Variants in MCCC1 observed in about 807,000 individuals in gnomAD.
The protein encoded by MCCC1 is methylcrotonoyl-CoA carboxylase subunit alpha, mitochondrial.
In MCCC1, 64 loss-of-function variants were observed where a neutral mutation model predicts 83.8. The ratio of observed to expected loss-of-function variants is 0.76; its 90% CI spans 0.62 to 0.94. The LOEUF is 0.94. Ranked by LOEUF, MCCC1 falls within the 40% of genes least tolerant of loss-of-function variation. The pLI, the probability that MCCC1 is intolerant of heterozygous loss-of-function variation, is 0.00. For missense variants in MCCC1, 807 were observed against 904.7 expected, an observed-to-expected ratio of 0.89 and a Z score of 1.39; for synonymous variants, 322 against 315.4, an observed-to-expected ratio of 1.02 and a Z score of -0.22.
In MCCC1 at chr3:183,039,052, G is replaced by C. The variant is rs1713851507; in HGVS notation, c.1351C>G (p.Leu451Val). Residue 451 changes from leucine (L) to valine (V), a missense_variant, in exon 12 of 19, where the codon CTG becomes GTG. Leu to Val is a conservative substitution (Grantham distance 32). Coordinates refer to ENST00000265594, the MANE Select transcript of MCCC1 (RefSeq NM_020166.5). ...TTGTACTGACGAAGGCTGTACCTCA[G>C]TTTTGTCAATGCCGCCTGGCGATCT... ...AADRQAALTK[L>V]RYSLRQYNIV... 2 of 1,614,186 alleles carry C rather than the reference G, an allele frequency of 1.2e-6. No homozygotes were observed. Among genetic ancestry groups the C allele is most frequent in the Non-Finnish European group, 1.7e-6 (2 of 1,180,032 alleles).
chr3:183,106,080 G>GT (rs1295910923), intron 1 of MCCC1, among the ~76,000 whole-genome samples: 1 of 12,828 alleles, frequency 7.8e-5, no homozygotes, highest in Admixed American at 5.0e-4. Flanking sequence ...CAGAGAGTCC[G>GT]TAAAAAAAAA....
At chr3:183,033,399 G>A (rs1713244010) in intron 14 of MCCC1, among the ~76,000 whole-genome samples, 1 of 152,194 alleles carries the variant, frequency 6.6e-6, no homozygotes, top group African/African-American at 2.4e-5. Flanking sequence ...TCACTTCTGT[G>A]CCTTACCATC....
intron 7 of MCCC1, among the ~76,000 whole-genome samples, chr3:183,067,917 A>G (rs1387681903): frequency 6.6e-6 from 1 of 152,194 alleles, no homozygotes; most frequent in Admixed American, 6.5e-5. Flanking sequence ...TCTTCCAGAT[A>G]TCACCTTTTG....
intron 17 of MCCC1, among the ~76,000 whole-genome samples, chr3:183,018,208 T>C (rs60700653): frequency 8.5e-5 from 11 of 130,106 alleles, no homozygotes; most frequent in East Asian, 2.3e-4. Context: ...GGCCTACAGG[T>C]CAAATGCACT....
chr3:183,064,547 A>T lies in MCCC1; in HGVS notation c.761+6452T>A, dbSNP rs888115705. On this transcript the variant is annotated intron_variant, in intron 7 of 18. Coordinates refer to ENST00000265594, the MANE Select transcript of MCCC1 (RefSeq NM_020166.5). The surrounding 1 kb of genome is among the most constrained non-coding windows in gnomAD (Gnocchi z 4.5). Reference sequence around the variant, plus strand: ...GCGCGCCTGCTCATGGCACGCCACCAGCACGGGCCAGGCGCACAAGTGCAG... The same window carrying T: ...GCGCGCCTGCTCATGGCACGCCACCTGCACGGGCCAGGCGCACAAGTGCAG... Among the ~76,000 whole-genome samples, 1 of 152,142 alleles carries T rather than the reference A, an allele frequency of 6.6e-6. No individual in the cohort carries two copies. The highest frequency in any genetic ancestry group is 2.4e-5 in the African/African-American group (1 of 41,430).
intron 3 of MCCC1, among the ~76,000 whole-genome samples, chr3:183,089,062 A>G (rs911011507): frequency 6.6e-6 from 1 of 152,226 alleles, no homozygotes; most frequent in African/African-American, 2.4e-5. Flanking sequence ...TGCATAGTTT[A>G]ATAGCTCCTG....
At chr3:183,037,528 T>C (rs954453839) in intron 12 of MCCC1, 94 bp from the exon 13 acceptor site, 15 of 1,052,290 alleles carry the variant, frequency 1.4e-5, no homozygotes, top group East Asian at 5.1e-5. Flanking sequence ...TTTTCTACTG[T>C]GAACAACTCT....
intron 14 of MCCC1, among the ~76,000 whole-genome samples, chr3:183,026,074 ACT>A (rs1297005960): frequency 6.6e-6 from 1 of 152,106 alleles, no homozygotes; most frequent in East Asian, 1.9e-4. Flanking sequence ...ACAGGGTATC[ACT>A]CTGTCACCCT....
intron 4 of MCCC1, among the ~76,000 whole-genome samples, chr3:183,075,502 G>A (rs1477303285): frequency 2.0e-5 from 3 of 151,056 alleles, no homozygotes; most frequent in East Asian, 3.9e-4. Context: ...TTGGTCACAT[G>A]TATGTCTTCT....
At chr3:183,017,190 C>A (rs1711710670) in intron 18 of MCCC1, 76 bp downstream of exon 18, 1 of 1,329,262 alleles carries the variant, frequency 7.5e-7, no homozygotes, top group Admixed American at 1.7e-5. Context: ...TATTAACTTA[C>A]AAAATAAGGC....
At chr3:183,041,212 G>A (rs1421138756) in intron 11 of MCCC1, among the ~76,000 whole-genome samples, 1 of 152,060 alleles carries the variant, frequency 6.6e-6, no homozygotes. Flanking sequence ...TCTCCAACTT[G>A]ACTTTATGTC....
At chr3:183,043,660 A>AT in intron 10 of MCCC1, among the ~76,000 whole-genome samples, 1 of 152,146 alleles carries the variant, frequency 6.6e-6, no homozygotes. Flanking sequence ...CTTGAACTCT[A>AT]TAAACCAGGT....
intron 1 of MCCC1, among the ~76,000 whole-genome samples, chr3:183,109,235 GC>G (rs908085023): frequency 1.3e-5 from 2 of 152,074 alleles, no homozygotes; most frequent in African/African-American, 2.4e-5. Context: ...CTGGTGATCC[GC>G]CCACCTCGAC....
chr3:183,086,825 G>T, intron 3 of MCCC1, 37 bp from the exon 4 acceptor site: 1 of 1,576,538 alleles, frequency 6.3e-7, no homozygotes, highest in Non-Finnish European at 8.7e-7. Flanking sequence ...AAGACTTTGT[G>T]GCTAGTACAT....
At chr3:183,039,156 A>C in intron 11 of MCCC1, 21 bp from the exon 12 acceptor site, 1 of 1,606,158 alleles carries the variant, frequency 6.2e-7, no homozygotes, top group Non-Finnish European at 8.5e-7. Flanking sequence ...AAACCACGGT[A>C]ACCTCTTCAA....
In MCCC1 at chr3:183,092,561, T is replaced by C; in HGVS notation, c.137-16A>G. The C allele has an allele frequency of 5.6e-6, 9 of 1,613,966 alleles. No homozygotes were observed. Among genetic ancestry groups the C allele is most frequent in the East Asian group, 2.2e-5 (1 of 44,868 alleles). ...ATGTTTCTTCCTGTTTAAAACACCA[T>C]GAAAATCACACAGAAATGTTACTGG... On this transcript the variant is annotated splice_polypyrimidine_tract_variant and intron_variant, in intron 2 of 18. Coordinates refer to ENST00000265594, the MANE Select transcript of MCCC1 (RefSeq NM_020166.5).
intron 9 of MCCC1, among the ~76,000 whole-genome samples, chr3:183,047,606 T>C (rs1714649290): frequency 6.7e-6 from 1 of 148,596 alleles, no homozygotes; most frequent in African/African-American, 2.5e-5. Flanking sequence ...AACAGATAGA[T>C]AATGTAAGCA....
chr3:183,106,482 T>TTTTC (rs144890143), intron 1 of MCCC1, among the ~76,000 whole-genome samples: 55,263 of 146,958 alleles, frequency 0.38, 12,613 homozygotes, highest in Non-Finnish European at 0.52. Context: ...TTCTTTGTTC[T>TTTTC]TTTCTTTCTT....
upstream of MCCC1, among the ~76,000 whole-genome samples, chr3:183,100,557 C>A (rs1446402576): frequency 6.6e-6 from 1 of 152,190 alleles, no homozygotes; most frequent in Non-Finnish European, 1.5e-5. Context: ...CTTCCAAACT[C>A]TTTTTAAAAA....
Sources: allele counts gnomAD v4.1 joint callset (sites outside exome capture counted in the v4.1 genomes callset), GRCh38; gene constraint gnomAD v4.1.1; non-coding constraint Gnocchi (gnomAD v3.1); transcripts MANE v1.5; gene names NCBI Gene and HGNC (gene_info 2026-07-23, HGNC 2026-07-21).